The following CAPN8 variants were observed in gnomAD, a reference collection of about 807,000 sequenced individuals.
CAPN8 encodes calpain 8.
Under a neutral mutation model 80.9 loss-of-function variants are expected in CAPN8, and 87 were observed. The observed-to-expected ratio is 1.07, with a 90% confidence interval of 0.90 to 1.28. The LOEUF (loss-of-function observed/expected upper bound fraction) is 1.28, where lower values mean the gene tolerates loss of function less well. Among genes scored for constraint, CAPN8 ranks in the 50% most tolerant of loss-of-function variants. The pLI is 0.00. For synonymous variants in CAPN8, 299 were observed against 273.8 expected (o/e 1.09, Z -0.91); for missense variants, 757 against 702.0 (o/e 1.08, Z -0.89).
At chr1:223,660,220 C>A (rs934237218) in intron 1 of CAPN8, among the ~76,000 whole-genome samples, 3 of 152,128 alleles carry the variant, frequency 2.0e-5, no homozygotes, top group African/African-American at 7.2e-5. Context: ...ATCAATAAAC[C>A]ACTTAATTGC....
intron 2 of CAPN8, among the ~76,000 whole-genome samples, chr1:223,643,037 C>T (rs901287962): frequency 1.3e-5 from 2 of 152,178 alleles, no homozygotes; most frequent in Admixed American, 6.5e-5. Flanking sequence ...CATCTCAGAG[C>T]GTGTTTCAAG....
rs577655496 is a variant in CAPN8 at position 223,628,161 on chromosome 1, G to A, written c.427-19C>T. 1.1e-4 allele frequency: 164 copies of A among 1,531,932 alleles called. No homozygotes were observed. The African/African-American group carries it at 2.0e-3, about 19-fold the overall frequency. The allele number at this position is 1,531,932 out of a possible 1,614,324, so 94.9% of individuals were successfully genotyped here. The stretch of plus-strand genomic sequence containing the variant: ...GCCAGAACTGGGGAGGGGGGACACA[G>A]CGGCTGCTCACATGAATAAGCAGAT... On this transcript the variant is annotated intron_variant, in intron 3 of 20. Coordinates refer to ENST00000366872, the MANE Select transcript of CAPN8 (RefSeq NM_001143962.2).
At chr1:223,612,395 A>G in intron 10 of CAPN8, 138 bp from the exon 11 acceptor site, 1 of 658,584 alleles carries the variant, frequency 1.5e-6, no homozygotes, top group Non-Finnish European at 2.1e-6. Context: ...TAAAGTGAGA[A>G]GCCAGTCAGC....
intron 16 of CAPN8, among the ~76,000 whole-genome samples, chr1:223,547,638 TA>T (rs1656660079): frequency 6.6e-6 from 1 of 152,190 alleles, no homozygotes; most frequent in Non-Finnish European, 1.5e-5. Context: ...ATAGAGTTGT[TA>T]TTTTTTTAAG....
intron 16 of CAPN8, 36 bp downstream of exon 16, chr1:223,549,282 T>TAA (rs34630115): frequency 4.2e-6 from 6 of 1,425,862 alleles, no homozygotes; most frequent in African/African-American, 1.5e-5. Flanking sequence ...CGGACGAAAG[T>TAA]AAAAAAAAAA....
chr1:223,620,348 C>G (rs1202386156), intron 7 of CAPN8, 82 bp from the exon 8 acceptor site: 5 of 1,245,686 alleles, frequency 4.0e-6, no homozygotes, highest in African/African-American at 1.5e-5. Context: ...TAAGCTTCCC[C>G]CTAAGAGCCA....
intron 2 of CAPN8, among the ~76,000 whole-genome samples, chr1:223,641,850 A>G (rs532182929): frequency 1.0e-3 from 157 of 152,312 alleles, no homozygotes; most frequent in Non-Finnish European, 7.4e-5. Context: ...ACATTTGATA[A>G]ATATTTAAAT....
rs375089175 is a variant in CAPN8 at position 223,541,833 on chromosome 1, G to C, written c.*3C>G. The C allele has an allele frequency of 1.3e-6, 2 of 1,551,230 alleles. No homozygotes were observed. Among genetic ancestry groups the C allele is most frequent in the African/African-American group, 2.7e-5 (2 of 72,928 alleles). On this transcript the variant is annotated 3_prime_UTR_variant, in exon 21 of 21. Coordinates refer to ENST00000366872, the MANE Select transcript of CAPN8 (RefSeq NM_001143962.2). ...GAGTGTCACTGATGTCCGAAACCCC[G>C]GGTCAGACCAACACGCAGCACAGCC...
chr1:223,557,000 C>T (rs1407972961), intron 13 of CAPN8, among the ~76,000 whole-genome samples: 1 of 152,168 alleles, frequency 6.6e-6, no homozygotes, highest in Non-Finnish European at 1.5e-5. Flanking sequence ...CAGAAAGGGC[C>T]TCTGGCGCCA....
At chr1:223,610,835 G>A (rs528206824) in intron 11 of CAPN8, among the ~76,000 whole-genome samples, 2 of 152,252 alleles carry the variant, frequency 1.3e-5, no homozygotes, top group African/African-American at 4.8e-5. Flanking sequence ...AACTAAGGGT[G>A]GTTCTCAGTG....
intron 11 of CAPN8, among the ~76,000 whole-genome samples, chr1:223,611,304 A>G (rs74145915): frequency 0.028 from 4,322 of 152,352 alleles, 141 homozygotes; most frequent in African/African-American, 0.081. Context: ...TCCATGAGAC[A>G]TACCCACCAG....
chr1:223,629,383 T>A (rs1325485226), intron 2 of CAPN8, among the ~76,000 whole-genome samples: 1 of 152,186 alleles, frequency 6.6e-6, no homozygotes, highest in Non-Finnish European at 1.5e-5. Flanking sequence ...TAGCATTAAA[T>A]CATCATAATT....
chr1:223,616,178 C>G, intron 9 of CAPN8, 33 bp from the exon 10 acceptor site: 1 of 1,532,744 alleles, frequency 6.5e-7, no homozygotes, highest in South Asian at 1.2e-5. Context: ...TGGTTCCCCA[C>G]GTAGCGGGTG....
At chr1:223,620,047 T>A (rs1405426814) in intron 8 of CAPN8, 145 bp downstream of exon 8, 1 of 720,794 alleles carries the variant, frequency 1.4e-6, no homozygotes, top group East Asian at 2.7e-5. Flanking sequence ...GGTGGAATTA[T>A]ACCAGGACAA....
intron 7 of CAPN8, 45 bp downstream of exon 7, chr1:223,622,764 ACCCTTC>A (rs1657441182): frequency 1.4e-6 from 2 of 1,390,542 alleles, no homozygotes; most frequent in African/African-American, 2.9e-5. Context: ...TTTACACGAC[ACCCTTC>A]CGCAGAGGGA....
At chr1:223,547,189 G>A (rs1328756032) in intron 16 of CAPN8, among the ~76,000 whole-genome samples, 1 of 152,150 alleles carries the variant, frequency 6.6e-6, no homozygotes, top group East Asian at 1.9e-4. Flanking sequence ...TGGGATGACA[G>A]GCATCAGCCC....
intron 5 of CAPN8, 27 bp downstream of exon 5, chr1:223,626,962 G>A: frequency 6.5e-7 from 1 of 1,544,520 alleles, no homozygotes; most frequent in Non-Finnish European, 8.8e-7. Flanking sequence ...GGGGGAGGTG[G>A]GGCAGTAGAG....
chr1:223,628,991 C>T (rs1445924564), intron 2 of CAPN8: 5 of 551,450 alleles, frequency 9.1e-6, no homozygotes, highest in Admixed American at 3.3e-5. Flanking sequence ...GGATCCTCTG[C>T]TCCTCCCTGT....
chr1:223,665,227 T>C (rs1355417967), intron 1 of CAPN8, among the ~76,000 whole-genome samples, 183 bp downstream of exon 1: 1 of 152,138 alleles, frequency 6.6e-6, no homozygotes, highest in African/African-American at 2.4e-5. Flanking sequence ...CACTCCAGCC[T>C]GGGTGACAGA....
Sources: gnomAD v4.1 joint callset for allele counts (sites outside exome capture counted in the v4.1 genomes callset) on GRCh38, gnomAD v4.1.1 for gene constraint, MANE v1.5 for transcripts, NCBI Gene and HGNC (gene_info 2026-07-23, HGNC 2026-07-21) for gene names.